Variants in GHR observed in about 807,000 individuals in gnomAD.
The protein encoded by GHR is GH receptor.
A neutral mutation model predicts 67.1 loss-of-function variants in GHR; 35 were observed. The ratio of observed to expected loss-of-function variants is 0.52; its 90% CI spans 0.40 to 0.69. GHR has a LOEUF of 0.69. Ranked by LOEUF, GHR falls within the 30% of genes least tolerant of loss-of-function variation. GHR has a pLI of 0.00. For synonymous variants in GHR, 272 were observed against 269.1 expected, an observed-to-expected ratio of 1.01 and a Z score of -0.10; for missense variants, 792 against 764.6, an observed-to-expected ratio of 1.04 and a Z score of -0.42.
At chr5:42,450,198 G>T (rs2111995819) in intron 1 of GHR, among the ~76,000 whole-genome samples, 1 of 152,228 alleles carries the variant, frequency 6.6e-6, no homozygotes, top group Non-Finnish European at 1.5e-5. Flanking sequence ...AATAGTTTCA[G>T]TATCCAATTC....
chr5:42,526,869 G>A (rs1230951587), intron 1 of GHR, among the ~76,000 whole-genome samples: 1 of 152,096 alleles, frequency 6.6e-6, no homozygotes, highest in South Asian at 2.1e-4. Context: ...AACCCCATCG[G>A]GCCAACAACA....
chr5:42,702,560 A>G (rs1288624934), intron 6 of GHR, among the ~76,000 whole-genome samples: 2 of 152,112 alleles, frequency 1.3e-5, no homozygotes, highest in African/African-American at 2.4e-5. Flanking sequence ...TATACTTAGT[A>G]GTGGAATAAT....
intron 6 of GHR, among the ~76,000 whole-genome samples, chr5:42,706,069 T>C (rs932286087): frequency 6.6e-6 from 1 of 152,184 alleles, no homozygotes; most frequent in Non-Finnish European, 1.5e-5. Flanking sequence ...ATTTTTTGAC[T>C]TTTTGATAAT....
At chr5:42,530,083 G>A (rs572356265) in intron 1 of GHR, among the ~76,000 whole-genome samples, 6 of 123,598 alleles carry the variant, frequency 4.9e-5, no homozygotes, top group African/African-American at 1.6e-4. Context: ...AATAAAAGTT[G>A]TATATATTCA....
chr5:42,665,994 C>G (rs1307108548), intron 3 of GHR, among the ~76,000 whole-genome samples: 1 of 152,074 alleles, frequency 6.6e-6, no homozygotes, highest in African/African-American at 2.4e-5. Context: ...TCCACCAGCT[C>G]CCTCTCATGA....
intron 2 of GHR, among the ~76,000 whole-genome samples, chr5:42,597,926 C>A (rs746416787): frequency 6.6e-6 from 1 of 152,096 alleles, no homozygotes; most frequent in Non-Finnish European, 1.5e-5. Context: ...GATTCAAGTA[C>A]AAAATAGTTA....
At chr5:42,595,897 A>G (rs1006615493) in intron 2 of GHR, among the ~76,000 whole-genome samples, 2 of 152,200 alleles carry the variant, frequency 1.3e-5, no homozygotes, top group Non-Finnish European at 2.9e-5. Context: ...CATTGCCTTA[A>G]TATCTTTTCA....
chr5:42,553,874 A>G (rs1021433525), intron 1 of GHR, among the ~76,000 whole-genome samples: 1 of 152,178 alleles, frequency 6.6e-6, no homozygotes. Flanking sequence ...TCTTAATTCC[A>G]TATTTCAGTA....
intron 1 of GHR, among the ~76,000 whole-genome samples, chr5:42,449,786 A>G (rs1327896968): frequency 1.3e-5 from 2 of 152,082 alleles, no homozygotes; most frequent in Admixed American, 6.5e-5. Context: ...GGTTTTTATT[A>G]CTTTGAGTTA....
At chr5:42,648,769 A>G (rs190419505) in intron 3 of GHR, among the ~76,000 whole-genome samples, 122 of 151,966 alleles carry the variant, frequency 8.0e-4, no homozygotes, top group African/African-American at 2.9e-3. Flanking sequence ...GAGGAGGTGA[A>G]TTGGAAATAG....
chr5:42,545,921 C>T (rs1039905316), intron 1 of GHR, among the ~76,000 whole-genome samples: 6 of 152,238 alleles, frequency 3.9e-5, no homozygotes, highest in Middle Eastern at 3.4e-3. Flanking sequence ...TTCTATCTGA[C>T]AAAGATGTGC....
In GHR at chr5:42,504,396, A is replaced by C. The variant is rs1188970714; in HGVS notation, c.-11-61468A>C. Among the ~76,000 whole-genome samples the C allele has an allele frequency of 2.0e-5, 3 of 152,182 alleles. 1 individual carries two copies. The highest frequency in any genetic ancestry group is 3.9e-4 in the East Asian group (2 of 5,182). On this transcript the variant is annotated intron_variant, in intron 1 of 9. Coordinates refer to ENST00000230882, the MANE Select transcript of GHR (RefSeq NM_000163.5). ...GGTAAATCCCATCTTTCCTGGCTTT[A>C]CGTTGCCTTCACATCCCTCATAATG... is the stretch of plus-strand genomic sequence containing the variant.
intron 6 of GHR, 140 bp from the exon 7 acceptor site, chr5:42,711,067 C>A (rs1393310487): frequency 2.7e-5 from 19 of 707,668 alleles, no homozygotes; most frequent in Non-Finnish European, 4.6e-5. Flanking sequence ...CTTTAAATAA[C>A]AAATGCTCAC....
chr5:42,444,783 G>A (rs752709749), intron 1 of GHR, among the ~76,000 whole-genome samples: 1 of 151,506 alleles, frequency 6.6e-6, no homozygotes, highest in Non-Finnish European at 1.5e-5. Context: ...CTTGTCTTTC[G>A]AGGTGGAACT....
At chr5:42,534,488 A>G (rs999205624) in intron 1 of GHR, among the ~76,000 whole-genome samples, 14 of 141,450 alleles carry the variant, frequency 9.9e-5, no homozygotes, top group East Asian at 1.9e-4. Context: ...ATGTGTATAT[A>G]TGTATGTATA....
chr5:42,557,870 A>C (rs963961989), intron 1 of GHR, among the ~76,000 whole-genome samples: 9 of 152,214 alleles, frequency 5.9e-5, no homozygotes, highest in African/African-American at 2.2e-4. Flanking sequence ...TATCAATGTT[A>C]GTAGATTGCT....
intron 1 of GHR, among the ~76,000 whole-genome samples, chr5:42,440,490 T>C (rs1166987874): frequency 6.6e-6 from 1 of 152,068 alleles, no homozygotes; most frequent in Non-Finnish European, 1.5e-5. Flanking sequence ...AAGAACATGA[T>C]CCAAGAAGAA....
At chr5:42,471,149 T>C (rs765822096) in intron 1 of GHR, among the ~76,000 whole-genome samples, 4 of 152,188 alleles carry the variant, frequency 2.6e-5, no homozygotes, top group Non-Finnish European at 5.9e-5. Context: ...AGGAAGTACA[T>C]TTTCCTTTTC....
intron 1 of GHR, among the ~76,000 whole-genome samples, chr5:42,551,249 T>A (rs1749015873): frequency 1.3e-5 from 2 of 152,180 alleles, no homozygotes; most frequent in Non-Finnish European, 2.9e-5. Context: ...CCACAGGGAT[T>A]TATCATCTTG....
Sources: gnomAD v4.1 joint callset for allele counts (sites outside exome capture counted in the v4.1 genomes callset) on GRCh38, gnomAD v4.1.1 for gene constraint, MANE v1.5 for transcripts, NCBI Gene and HGNC (gene_info 2026-07-23, HGNC 2026-07-21) for gene names.